The following SGCD variants were observed in gnomAD, a reference collection of about 807,000 sequenced individuals.
SGCD encodes the protein sarcoglycan delta, also known as delta-sarcoglycan.
In SGCD, 18 loss-of-function variants were observed where a neutral mutation model predicts 36.6. The ratio of observed to expected loss-of-function variants is 0.49; its 90% CI spans 0.34 to 0.73. The LOEUF (loss-of-function observed/expected upper bound fraction) is 0.73, where lower values mean the gene tolerates loss of function less well. Among genes scored for constraint, SGCD ranks in the 30% least tolerant of loss-of-function variants. The pLI is 0.01. For missense variants in SGCD, 387 were observed against 346.7 expected (o/e 1.12, Z -0.92); for synonymous variants, 133 against 130.6 (o/e 1.02, Z -0.12).
Position 156,051,857 on chromosome 5 carries a change from G to A in SGCD, c.-281-66021G>A, listed in dbSNP as rs1400145941. Among the ~76,000 whole-genome samples, 2 of 145,452 alleles carry A rather than the reference G, an allele frequency of 1.4e-5. 1 individual carries two copies. Reference sequence around the variant, plus strand: ...TTTTAGTGCATGTAGTGTGTGCTGGGGGAAAGAGGTGGGGAAGGGTTGTTG... The same window carrying A: ...TTTTAGTGCATGTAGTGTGTGCTGGAGGAAAGAGGTGGGGAAGGGTTGTTG... On this transcript the variant is annotated intron_variant, in intron 1 of 9. Transcript: ENST00000517913.
rs111527710 is a variant in SGCD at position 156,536,589 on chromosome 5, GTGTTTGTT to G, written c.294+27909_294+27916del. 7.9e-5 allele frequency among the ~76,000 whole-genome samples: 12 copies of G among 151,540 alleles called. No homozygotes were observed. The South Asian group carries it at 1.0e-3, about 13-fold the overall frequency. On this transcript the variant is annotated intron_variant, in intron 4 of 8. Transcript: ENST00000337851. ...CATCACTGATCCTTTAAGCTTTGAG[GTGTTTGTT>G]TGTTTGTTTGTTTGTTTGTTTTTTG...
At chr5:156,398,071 C>A (rs141362651) in intron 3 of SGCD, among the ~76,000 whole-genome samples, 2 of 152,316 alleles carry the variant, frequency 1.3e-5, no homozygotes, top group African/African-American at 4.8e-5. Context: ...TCCCCTGAGG[C>A]GCTGCCTGAA....
At chr5:156,640,397 T>C (rs1011099710) in intron 6 of SGCD, among the ~76,000 whole-genome samples, 1 of 130,112 alleles carries the variant, frequency 7.7e-6, no homozygotes, top group Non-Finnish European at 1.9e-5. Context: ...GAAGATAACA[T>C]CACCCCCATT....
At position 156,067,597 on chromosome 5, in the gene SGCD, C is replaced by T. The variant is rs1490361846; in HGVS notation, c.-281-50281C>T. ...GCTGTGCTAGCAATCAGCGAGATTC[C>T]GTGGGCGTAGGACCCTCCGAGCCAG... On this transcript the variant is annotated intron_variant, in intron 1 of 9. Transcript: ENST00000517913. Among the ~76,000 whole-genome samples the T allele has an allele frequency of 3.2e-4, 29 of 90,864 alleles. 2 individuals carry two copies. The highest frequency in any genetic ancestry group is 2.1e-4 in the Admixed American group (2 of 9,450). 59.6% of individuals were successfully genotyped at this position (90,864 alleles called of 152,430 possible).
intron 1 of SGCD, among the ~76,000 whole-genome samples, chr5:155,874,890 A>G (rs1386729443): frequency 2.0e-5 from 3 of 152,170 alleles, no homozygotes; most frequent in African/African-American, 7.2e-5. Flanking sequence ...ATCACTTATT[A>G]TCCAACCATT....
At chr5:156,180,267 AT>A (rs1156292568) in intron 3 of SGCD, among the ~76,000 whole-genome samples, 2 of 152,242 alleles carry the variant, frequency 1.3e-5, no homozygotes, top group Admixed American at 6.5e-5. Flanking sequence ...ATAATACTTA[AT>A]GGTGAACTAT....
chr5:155,749,809 G>C, the SGCD span, among the ~76,000 whole-genome samples: 1 of 151,978 alleles, frequency 6.6e-6, no homozygotes, highest in Non-Finnish European at 1.5e-5. Context: ...TCCCCATCTT[G>C]TTCATTCATT....
chr5:155,883,065 C>T (rs2113299053), intron 1 of SGCD, among the ~76,000 whole-genome samples: 1 of 152,308 alleles, frequency 6.6e-6, no homozygotes, highest in East Asian at 1.9e-4. Flanking sequence ...CCTTAAACCT[C>T]ATGAACCAAC....
At chr5:156,290,439 G>A (rs1454528168) in intron 3 of SGCD, among the ~76,000 whole-genome samples, 1 of 152,130 alleles carries the variant, frequency 6.6e-6, no homozygotes, top group African/African-American at 2.4e-5. Context: ...CTAAGTTCCA[G>A]TGCTGCTCCA....
intron 3 of SGCD, among the ~76,000 whole-genome samples, chr5:156,320,588 G>A (rs1767632165): frequency 6.6e-6 from 1 of 152,072 alleles, no homozygotes; most frequent in Admixed American, 6.6e-5. Flanking sequence ...TTTTAAAAAG[G>A]TATGTTTGCA....
At chr5:156,014,895 G>C (rs912768734) in intron 1 of SGCD, among the ~76,000 whole-genome samples, 3 of 152,162 alleles carry the variant, frequency 2.0e-5, no homozygotes, top group African/African-American at 7.2e-5. Flanking sequence ...GGGAAGTTCA[G>C]GTTATGCATT....
intron 3 of SGCD, among the ~76,000 whole-genome samples, chr5:156,484,152 A>AC (rs1688225144): frequency 6.6e-6 from 1 of 152,246 alleles, no homozygotes. Flanking sequence ...ACTCCAGTCA[A>AC]CGACATTGTC....
intron 3 of SGCD, among the ~76,000 whole-genome samples, chr5:156,246,433 A>C (rs556298403): frequency 2.0e-5 from 3 of 152,272 alleles, no homozygotes; most frequent in African/African-American, 7.2e-5. Flanking sequence ...CAAAAGAATA[A>C]GGTTATAGAT....
intron 1 of SGCD, among the ~76,000 whole-genome samples, chr5:156,063,542 G>A (rs1367610145): frequency 4.1e-5 from 5 of 122,144 alleles, no homozygotes; most frequent in Admixed American, 7.9e-5. Context: ...CCATTTTCAC[G>A]ATATTGATTC....
At chr5:155,931,252 T>C (rs940422828) in intron 1 of SGCD, among the ~76,000 whole-genome samples, 1 of 152,172 alleles carries the variant, frequency 6.6e-6, no homozygotes, top group Non-Finnish European at 1.5e-5. Flanking sequence ...TAAAACTTAC[T>C]ATTATATGCC....
chr5:156,569,073 T>C (rs1759613771), intron 4 of SGCD, among the ~76,000 whole-genome samples: 1 of 146,488 alleles, frequency 6.8e-6, no homozygotes, highest in Non-Finnish European at 1.5e-5. Context: ...CTGTAGTGGG[T>C]AAAGCAGGAC....
chr5:156,434,882 A>G (rs1175521315), intron 3 of SGCD, among the ~76,000 whole-genome samples: 2 of 152,198 alleles, frequency 1.3e-5, no homozygotes, highest in Non-Finnish European at 2.9e-5. Context: ...GGAGGAGAAA[A>G]TTGGCTCAGT....
At chr5:156,104,890 G>C (rs1056649834) in intron 1 of SGCD, among the ~76,000 whole-genome samples, 1 of 152,030 alleles carries the variant, frequency 6.6e-6, no homozygotes, top group African/African-American at 2.4e-5. Context: ...GATTAAATGA[G>C]ATCTTACATG....
chr5:156,561,888 G>A (rs1477543112), intron 4 of SGCD, among the ~76,000 whole-genome samples: 1 of 152,094 alleles, frequency 6.6e-6, no homozygotes, highest in Non-Finnish European at 1.5e-5. Context: ...AGTTTAAGCT[G>A]CTTTGTCTTT....
Sources: gnomAD v4.1 joint callset for allele counts (sites outside exome capture counted in the v4.1 genomes callset) on GRCh38, gnomAD v4.1.1 for gene constraint, MANE v1.5 for transcripts, NCBI Gene and HGNC (gene_info 2026-07-23, HGNC 2026-07-21) for gene names.